The following GSE1 variants were observed in gnomAD, a reference collection of about 807,000 sequenced individuals.
GSE1 encodes the protein genetic suppressor element 1.
A neutral mutation model predicts 112.6 loss-of-function variants in GSE1; 32 were observed. The ratio of observed to expected loss-of-function variants is 0.28; its 90% CI spans 0.21 to 0.38. The LOEUF (loss-of-function observed/expected upper bound fraction) is 0.38. GSE1 is among the 10% of genes least tolerant of loss of function. The pLI is 1.00. For missense variants in GSE1, 2,348 were observed against 1,699.2 expected, an observed-to-expected ratio of 1.38 and a Z score of -6.71; for synonymous variants, 1,115 against 735.6, an observed-to-expected ratio of 1.52 and a Z score of -8.35.
At chr16:85,481,482 G>A (rs896454117) in intron 2 of GSE1, among the ~76,000 whole-genome samples, 20 of 152,324 alleles carry the variant, frequency 1.3e-4, no homozygotes, top group African/African-American at 4.8e-4. Context: ...GAGGAACCTT[G>A]CCAAGGAATT....
chr16:85,312,276 T>G (rs2045877232), intron 1 of GSE1, among the ~76,000 whole-genome samples: 1 of 148,202 alleles, frequency 6.7e-6, no homozygotes, highest in Admixed American at 6.7e-5. Flanking sequence ...TGTGACAGTG[T>G]GCCACAAATT....
intron 1 of GSE1, among the ~76,000 whole-genome samples, chr16:85,303,486 C>T (rs960403665): frequency 1.3e-5 from 2 of 152,256 alleles, no homozygotes; most frequent in African/African-American, 4.8e-5. Context: ...CCGCCGCTGT[C>T]CGCCGCTTGC....
Position 85,556,758 on chromosome 16 carries a change from C to T in GSE1, c.37+395C>T, listed in dbSNP as rs981772946. Among the ~76,000 whole-genome samples the T allele has an allele frequency of 1.2e-4, 18 of 145,052 alleles. 1 individual carries two copies. The highest frequency in any genetic ancestry group is 2.3e-4 in the South Asian group (1 of 4,398). Reference sequence around the variant, plus strand: ...CCCGATCGGGTAGCATGCCCCCCCCCCCCCCAGTCCTGGGGTTTATTTCCC... The same window carrying T: ...CCCGATCGGGTAGCATGCCCCCCCCTCCCCCAGTCCTGGGGTTTATTTCCC... On this transcript the variant is annotated intron_variant, in intron 1 of 2. Transcript: ENST00000635906.
At chr16:85,432,626 C>T (rs753524127) in intron 2 of GSE1, among the ~76,000 whole-genome samples, 1 of 152,196 alleles carries the variant, frequency 6.6e-6, no homozygotes, top group South Asian at 2.1e-4. Flanking sequence ...TTGTGTGTTT[C>T]CACGGTTCTC....
At chr16:85,457,885 G>A (rs1439182919) in intron 2 of GSE1, among the ~76,000 whole-genome samples, 1 of 152,232 alleles carries the variant, frequency 6.6e-6, no homozygotes, top group Non-Finnish European at 1.5e-5. Flanking sequence ...CCTGTGCGGA[G>A]GCTTTCCATA....
At position 85,656,376 on chromosome 16, in the gene GSE1, GGAGCGCGAGCGCGAGCGC is replaced by G. The variant is rs3833833; in HGVS notation, c.1029_1046del (p.Arg347_Glu352del). The stretch of plus-strand genomic sequence containing the variant: ...TGGACGAGGAGCTAAGGCGGGAGAG[GGAGCGCGAGCGCGAGCGC>G]GAGCGTGAGCGTGAGGCTGACCGCG... On this transcript the variant is annotated inframe_deletion, in exon 7 of 16. Coordinates refer to ENST00000253458, the MANE Select transcript of GSE1 (RefSeq NM_014615.5). 6 of 1,598,592 alleles carry G rather than the reference GGAGCGCGAGCGCGAGCGC, an allele frequency of 3.8e-6. No homozygotes were observed. The Admixed American group carries it at 5.1e-5, about 14-fold the overall frequency.
At chr16:85,265,308 G>A (rs1025752002) in intron 1 of GSE1, among the ~76,000 whole-genome samples, 14 of 152,128 alleles carry the variant, frequency 9.2e-5, no homozygotes, top group Admixed American at 1.3e-4. Context: ...TTTCATAAAC[G>A]GAACAGAAAG....
chr16:85,281,126 C>T (rs2930238), intron 1 of GSE1, among the ~76,000 whole-genome samples: 4,538 of 152,256 alleles, frequency 0.03, 199 homozygotes, highest in African/African-American at 0.099. Flanking sequence ...ATGCAAACGG[C>T]CTCTCTCAGC....
chr16:85,345,999 T>C (rs139414911), intron 1 of GSE1, among the ~76,000 whole-genome samples: 2 of 150,322 alleles, frequency 1.3e-5, no homozygotes, highest in African/African-American at 4.9e-5. Context: ...GATGGATAGA[T>C]GCATGGACAG....
At chr16:85,169,606 C>T in exon 1 of GSE1, 1 of 982,808 alleles carries the variant, frequency 1.0e-6, no homozygotes, top group Non-Finnish European at 1.2e-6. Context: ...CGGCGCGCCG[C>T]TCTCCTGCTT....
intron 1 of GSE1, among the ~76,000 whole-genome samples, chr16:85,175,259 G>A (rs1025798593): frequency 5.9e-5 from 9 of 152,172 alleles, no homozygotes; most frequent in Admixed American, 2.0e-4. Flanking sequence ...CACCTGACTC[G>A]TGCCTCCTTC....
intron 1 of GSE1, among the ~76,000 whole-genome samples, chr16:85,287,279 G>A (rs559958599): frequency 3.6e-4 from 55 of 152,348 alleles, no homozygotes; most frequent in African/African-American, 1.2e-3. Context: ...GGCCTTTCGG[G>A]CTGACGCATG....
intron 2 of GSE1, among the ~76,000 whole-genome samples, chr16:85,543,924 G>T (rs923563008): frequency 6.6e-6 from 1 of 152,148 alleles, no homozygotes; most frequent in African/African-American, 2.4e-5. Flanking sequence ...TGCAACCTCT[G>T]CCACCCAAGC....
intron 1 of GSE1, among the ~76,000 whole-genome samples, chr16:85,563,645 G>T (rs1322811683): frequency 1.3e-5 from 2 of 152,376 alleles, no homozygotes; most frequent in Non-Finnish European, 2.9e-5. Flanking sequence ...TCCATCCTCT[G>T]CTCCCTCCCA....
At chr16:85,229,809 T>C (rs539850973) in intron 1 of GSE1, among the ~76,000 whole-genome samples, 10 of 152,344 alleles carry the variant, frequency 6.6e-5, no homozygotes, top group African/African-American at 2.4e-4. Context: ...GGTCCTTTTC[T>C]CATGGTTGCG....
At chr16:85,490,802 C>T (rs148268976) in intron 2 of GSE1, 1 of 152,328 alleles carries the variant, frequency 6.6e-6, no homozygotes, top group African/African-American at 2.4e-5. Context: ...TTATAGAGAA[C>T]CTATGTAAAA....
chr16:85,556,118 A>C (rs2045197299), exon 1 of GSE1: 1 of 959,346 alleles, frequency 1.0e-6, no homozygotes, highest in Admixed American at 6.4e-5. Context: ...GGTCGGAGAG[A>C]GAGCCTTTTG....
rs1169853488 is a variant in GSE1, at chr16:85,670,982, C to G, written c.3416-13C>G. ...GCATACGGAAAATACATCACCATCT[C>G]CTGTCTTTTCAGAGCAAAATCTGGA... On this transcript the variant is annotated splice_polypyrimidine_tract_variant and intron_variant, in intron 14 of 15. Transcript: ENST00000253458. 5 of 1,547,432 alleles carry G rather than the reference C, an allele frequency of 3.2e-6. No individual in the cohort carries two copies. The African/African-American group carries it at 4.1e-5, about 13-fold the overall frequency.
intron 2 of GSE1, among the ~76,000 whole-genome samples, chr16:85,428,791 G>C (rs1045911292): frequency 6.6e-6 from 1 of 152,146 alleles, no homozygotes; most frequent in Non-Finnish European, 1.5e-5. Context: ...GGGTGGGAGC[G>C]GGCTGGGGGA....
Sources: allele counts gnomAD v4.1 joint callset (sites outside exome capture counted in the v4.1 genomes callset), GRCh38; gene constraint gnomAD v4.1.1; transcripts MANE v1.5; gene names NCBI Gene and HGNC (gene_info 2026-07-23, HGNC 2026-07-21).